The following SLC12A1 variants were observed in gnomAD, a reference collection of about 807,000 sequenced individuals.
SLC12A1 encodes the protein solute carrier family 12 member 1.
Under a neutral mutation model 130.4 loss-of-function variants are expected in SLC12A1, and 89 were observed. The ratio of observed to expected loss-of-function variants is 0.68; its 90% CI spans 0.58 to 0.81. The LOEUF (loss-of-function observed/expected upper bound fraction) is 0.81, where lower values mean the gene tolerates loss of function less well. SLC12A1 is among the 40% of genes least tolerant of loss of function. The probability of loss-of-function intolerance (pLI) is 0.00; values close to 1 mark genes in which losing one functional copy is unlikely to be tolerated. For synonymous variants in SLC12A1, 499 were observed against 460.0 expected, an observed-to-expected ratio of 1.08 and a Z score of -1.09; for missense variants, 1,310 against 1,336.4, an observed-to-expected ratio of 0.98 and a Z score of 0.31.
intron 10 of SLC12A1, among the ~76,000 whole-genome samples, chr15:48,242,833 G>C (rs1024966558): frequency 3.3e-5 from 5 of 151,486 alleles, no homozygotes; most frequent in African/African-American, 1.2e-4. Context: ...TAAATGTATT[G>C]TTGGGGCATG....
chr15:48,227,100 G>A, intron 5 of SLC12A1: 3 of 1,552,088 alleles, frequency 1.9e-6, no homozygotes, highest in Non-Finnish European at 2.6e-6. Flanking sequence ...ATCATCATTG[G>A]CCTAAGTGTG....
At chr15:48,249,928 G>A (rs2041627988) in intron 14 of SLC12A1, among the ~76,000 whole-genome samples, 2 of 152,184 alleles carry the variant, frequency 1.3e-5, no homozygotes, top group Admixed American at 1.3e-4. Flanking sequence ...TTCATTGCAA[G>A]AGAAACCACA....
At chr15:48,294,255 G>A (rs954472958) in intron 24 of SLC12A1, among the ~76,000 whole-genome samples, 9 of 150,754 alleles carry the variant, frequency 6.0e-5, no homozygotes, top group African/African-American at 1.7e-4. Context: ...GGCTGAGGCA[G>A]GAGAATCGCT....
chr15:48,265,280 T>C (rs1294723762), intron 17 of SLC12A1, among the ~76,000 whole-genome samples: 1 of 152,214 alleles, frequency 6.6e-6, no homozygotes, highest in Non-Finnish European at 1.5e-5. Context: ...TCACAATTAA[T>C]GTTTAATCTG....
chr15:48,290,491 C>T (rs1346228012), intron 23 of SLC12A1, among the ~76,000 whole-genome samples: 1 of 152,138 alleles, frequency 6.6e-6, no homozygotes, highest in Non-Finnish European at 1.5e-5. Context: ...ATTGTATGTG[C>T]TATATTTTTA....
At chr15:48,256,202 C>T (rs1401014698) in intron 16 of SLC12A1, among the ~76,000 whole-genome samples, 4 of 152,188 alleles carry the variant, frequency 2.6e-5, no homozygotes, top group Non-Finnish European at 5.9e-5. Context: ...AGAGATGATC[C>T]TAAATCCCCA....
At chr15:48,275,164 G>A (rs2041938546) in intron 20 of SLC12A1, among the ~76,000 whole-genome samples, 1 of 151,986 alleles carries the variant, frequency 6.6e-6, no homozygotes, top group Non-Finnish European at 1.5e-5. Flanking sequence ...TAGAGAATTT[G>A]GTATATTTGC....
intron 8 of SLC12A1, 46 bp downstream of exon 8, chr15:48,232,884 G>C: frequency 8.8e-7 from 1 of 1,141,432 alleles, no homozygotes; most frequent in Non-Finnish European, 1.3e-6. Context: ...CTTCTCCATT[G>C]CCCTCCTCAT....
At chr15:48,279,264 C>T (rs2041986523) in intron 20 of SLC12A1, among the ~76,000 whole-genome samples, 2 of 152,106 alleles carry the variant, frequency 1.3e-5, no homozygotes, top group African/African-American at 4.8e-5. Context: ...TAATTCAGGG[C>T]CTAATAAGGG....
chr15:48,214,766 G>A (rs1324337239), intron 2 of SLC12A1, among the ~76,000 whole-genome samples: 1 of 147,088 alleles, frequency 6.8e-6, no homozygotes, highest in African/African-American at 2.7e-5. Context: ...GAGTGGGAGG[G>A]GCTTAGGTTA....
intron 4 of SLC12A1, chr15:48,224,207 T>G (rs1470760405): frequency 6.6e-6 from 1 of 152,156 alleles, no homozygotes; most frequent in African/African-American, 2.4e-5. Flanking sequence ...CAGGGTGAGT[T>G]CAGTGGCTGT....
intron 20 of SLC12A1, among the ~76,000 whole-genome samples, chr15:48,280,183 A>C (rs1161033522): frequency 6.6e-6 from 1 of 151,748 alleles, no homozygotes; most frequent in Non-Finnish European, 1.5e-5. Context: ...AAAAAAAAAA[A>C]AGACTGGGGA....
At chr15:48,219,783 T>G (rs535149579) in intron 2 of SLC12A1, among the ~76,000 whole-genome samples, 1 of 152,030 alleles carries the variant, frequency 6.6e-6, no homozygotes. Flanking sequence ...ACGGGCGCGG[T>G]GGCTCACACC....
rs753710765 is a variant in SLC12A1 at position 48,285,088 on chromosome 15, T to G, written c.2486-18T>G. On this transcript the variant is annotated intron_variant, in intron 20 of 26. Transcript: ENST00000380993. ...TGTAGTTCTGAGTTAAGTAGGTGAT[T>G]TTGTCTTCTTTCATCAGAGGAATTA... The G allele has an allele frequency of 2.1e-5, 32 of 1,547,878 alleles. No individual in the cohort carries two copies. The East Asian group carries it at 7.3e-4, about 35-fold the overall frequency.
At position 48,291,862 on chromosome 15, in the gene SLC12A1, G is replaced by C. The variant is rs35496769; in HGVS notation, c.2958G>C (p.Glu986Asp). 51 of 1,547,292 alleles carry C rather than the reference G, an allele frequency of 3.3e-5. No individual in the cohort carries two copies. In the African/African-American group the frequency reaches 6.0e-4, roughly 18 times the overall value. The change falls in exon 24 of 27, where the codon GAG becomes GAC. Residue 986 changes from glutamate (E) to aspartate (D), a missense_variant and splice_region_variant. Coordinates refer to ENST00000380993, the MANE Select transcript of SLC12A1 (RefSeq NM_000338.3). ...ACATCAACATTAGGCCAAACAAAGAGAGGTATGAAATATTTAACAAGAGAC... is the reference window on the plus strand; with the variant it reads ...ACATCAACATTAGGCCAAACAAAGACAGGTATGAAATATTTAACAAGAGAC... ...IGDINIRPNK[E>D]SWKVFEEMIE...
chr15:48,285,148 C>A lies in SLC12A1; in HGVS notation c.2528C>A (p.Ala843Glu). ...RLEQERLALE[A>E]TIKDNECEEE... The stretch of plus-strand genomic sequence containing the variant: ...GAACAGGAGAGACTAGCATTGGAAG[C>A]GACTATCAAAGATAATGAGTGTGAA... The change falls in exon 21 of 27, where the codon GCG (alanine) becomes GAG (glutamate). Residue 843 changes from alanine to glutamate, a missense_variant. Coordinates refer to ENST00000380993, the MANE Select transcript of SLC12A1 (RefSeq NM_000338.3). The A allele has an allele frequency of 1.2e-6, 2 of 1,612,730 alleles. No homozygotes were observed. The highest frequency in any genetic ancestry group is 1.7e-5 in the Admixed American group (1 of 59,928).
At chr15:48,272,567 C>A (rs2041909191) in intron 19 of SLC12A1, among the ~76,000 whole-genome samples, 1 of 152,108 alleles carries the variant, frequency 6.6e-6, no homozygotes, top group Admixed American at 6.6e-5. Flanking sequence ...ACCAGGACTA[C>A]AGGTGCACAC....
chr15:48,273,949 C>G (rs2041923985), intron 19 of SLC12A1, among the ~76,000 whole-genome samples: 1 of 152,184 alleles, frequency 6.6e-6, no homozygotes, highest in Non-Finnish European at 1.5e-5. Context: ...TTAATCTCTT[C>G]AAACAGAGAT....
chr15:48,281,935 C>G (rs1174311168), intron 20 of SLC12A1, among the ~76,000 whole-genome samples: 2 of 152,152 alleles, frequency 1.3e-5, no homozygotes, highest in African/African-American at 4.8e-5. Flanking sequence ...AAAGTCTACT[C>G]TTAATTTCCC....
Sources: gnomAD v4.1 joint callset for allele counts (sites outside exome capture counted in the v4.1 genomes callset) on GRCh38, gnomAD v4.1.1 for gene constraint, MANE v1.5 for transcripts, NCBI Gene and HGNC (gene_info 2026-07-23, HGNC 2026-07-21) for gene names.